The following DDX10 variants were observed in gnomAD, a reference collection of about 807,000 sequenced individuals.
The protein encoded by DDX10 is probable ATP-dependent RNA helicase DDX10.
A neutral mutation model predicts 104.3 loss-of-function variants in DDX10; 74 were observed. The ratio of observed to expected loss-of-function variants is 0.71; its 90% CI spans 0.59 to 0.86. The LOEUF is 0.86. DDX10 is among the 40% of genes least tolerant of loss of function. DDX10 has a pLI of 0.00. For missense variants in DDX10, 952 were observed against 1,040.0 expected, an observed-to-expected ratio of 0.92 and a Z score of 1.16; for synonymous variants, 351 against 353.4, an observed-to-expected ratio of 0.99 and a Z score of 0.08.
chr11:108,832,498 C>CA (rs749020031), intron 13 of DDX10, among the ~76,000 whole-genome samples: 5 of 152,112 alleles, frequency 3.3e-5, no homozygotes, highest in Non-Finnish European at 7.4e-5. Context: ...GCCAGGAATT[C>CA]ATTAGAAATA....
At chr11:108,856,442 A>G (rs1415527382) in intron 16 of DDX10, among the ~76,000 whole-genome samples, 1 of 152,004 alleles carries the variant, frequency 6.6e-6, no homozygotes, top group Admixed American at 6.6e-5. Context: ...AACAAAACAA[A>G]CAAACAAAAA....
intron 13 of DDX10, among the ~76,000 whole-genome samples, chr11:108,777,159 A>G: frequency 6.6e-6 from 1 of 151,992 alleles, no homozygotes; most frequent in East Asian, 1.9e-4. Context: ...TTTCTGCCTG[A>G]TTTTGCTTAT....
chr11:108,770,594 A>G (rs982391635), intron 13 of DDX10, among the ~76,000 whole-genome samples: 2 of 148,940 alleles, frequency 1.3e-5, no homozygotes, highest in African/African-American at 5.0e-5. Flanking sequence ...TTTAGATCCT[A>G]CTAATAAGTG....
intron 13 of DDX10, among the ~76,000 whole-genome samples, chr11:108,809,566 G>T (rs924279815): frequency 9.9e-5 from 15 of 152,200 alleles, no homozygotes; most frequent in Non-Finnish European, 7.3e-5. Context: ...GGTAAGAATG[G>T]AAGAGTGGAG....
Position 108,678,303 on chromosome 11 carries a change from A to T in DDX10, c.538-12A>T. 6.2e-7 allele frequency: 1 copy of T among 1,606,422 alleles called. No homozygotes were observed. Among genetic ancestry groups the T allele is most frequent in the Non-Finnish European group, 8.5e-7 (1 of 1,177,536 alleles). ...ATGTGTCTGTGTAATCAAAATAAAT[A>T]ACTGTTTTCAGGATCTAAAACACGA... On this transcript the variant is annotated splice_polypyrimidine_tract_variant and intron_variant, in intron 4 of 17. Transcript: ENST00000322536.
At chr11:108,917,230 A>G (rs1002037271) in intron 16 of DDX10, among the ~76,000 whole-genome samples, 1 of 151,048 alleles carries the variant, frequency 6.6e-6, no homozygotes, top group Non-Finnish European at 1.5e-5. Context: ...ATGCCCAGCT[A>G]ATAGATCTGA....
chr11:108,677,058 T>C, intron 3 of DDX10, 27 bp from the exon 4 acceptor site: 5 of 1,585,250 alleles, frequency 3.2e-6, no homozygotes, highest in South Asian at 1.1e-5. Context: ...GATGACTTAC[T>C]GAACATGAAT....
intron 15 of DDX10, among the ~76,000 whole-genome samples, chr11:108,850,550 A>T (rs1170105867): frequency 1.3e-5 from 2 of 152,146 alleles, no homozygotes; most frequent in Non-Finnish European, 2.9e-5. Flanking sequence ...ATGGTCAATT[A>T]TCTGTTTCTT....
intron 10 of DDX10, among the ~76,000 whole-genome samples, chr11:108,708,280 T>C (rs2094279326): frequency 1.3e-5 from 2 of 148,690 alleles, no homozygotes; most frequent in South Asian, 4.3e-4. Context: ...TTTTAAAATC[T>C]GATGAGATCA....
chr11:108,864,419 T>A (rs1271584353), intron 16 of DDX10, among the ~76,000 whole-genome samples: 4 of 151,188 alleles, frequency 2.6e-5, no homozygotes, highest in Non-Finnish European at 5.9e-5. Context: ...AGAATAAACT[T>A]TATATATATA....
chr11:108,665,381 C>A, intron 1 of DDX10, 42 bp downstream of exon 1: 1 of 1,510,444 alleles, frequency 6.6e-7, no homozygotes, highest in South Asian at 1.3e-5. Flanking sequence ...CGGCCAGCAG[C>A]GGGGCAGCGT....
At chr11:108,808,067 G>A (rs1862124659) in intron 13 of DDX10, among the ~76,000 whole-genome samples, 2 of 152,280 alleles carry the variant, frequency 1.3e-5, no homozygotes, top group Admixed American at 1.3e-4. Flanking sequence ...ATGGTGAAAG[G>A]CTAATTTCAT....
intron 16 of DDX10, among the ~76,000 whole-genome samples, chr11:108,889,573 CTT>C (rs1863347373): frequency 6.6e-6 from 1 of 152,012 alleles, no homozygotes; most frequent in East Asian, 1.9e-4. Flanking sequence ...CTGAAAAAAA[CTT>C]TTGCCAAAGT....
intron 16 of DDX10, among the ~76,000 whole-genome samples, chr11:108,869,114 A>G (rs1315741241): frequency 1.3e-5 from 2 of 152,054 alleles, no homozygotes; most frequent in African/African-American, 4.8e-5. Context: ...GGAAAACCCA[A>G]ATAATGGCTT....
At chr11:108,744,557 T>C (rs1019016795) in intron 13 of DDX10, among the ~76,000 whole-genome samples, 3 of 152,162 alleles carry the variant, frequency 2.0e-5, no homozygotes, top group African/African-American at 7.2e-5. Flanking sequence ...CCTGAGTATT[T>C]GGGAGTGTTA....
At chr11:108,904,593 C>T (rs1565314352) in intron 16 of DDX10, among the ~76,000 whole-genome samples, 1 of 152,120 alleles carries the variant, frequency 6.6e-6, no homozygotes, top group Non-Finnish European at 1.5e-5. Context: ...GGACTGGGTT[C>T]CTACTTGGAG....
intron 13 of DDX10, among the ~76,000 whole-genome samples, chr11:108,774,604 A>G (rs1269295273): frequency 6.6e-6 from 1 of 151,954 alleles, no homozygotes; most frequent in East Asian, 1.9e-4. Flanking sequence ...GTTAGAGAAC[A>G]TTGTTTGGCA....
intron 13 of DDX10, among the ~76,000 whole-genome samples, chr11:108,735,430 G>A (rs992209495): frequency 1.3e-5 from 2 of 152,076 alleles, no homozygotes; most frequent in African/African-American, 4.8e-5. Context: ...GCAGTGTAAG[G>A]GGGATATAGA....
chr11:108,726,142 A>C (rs573298741), intron 13 of DDX10, among the ~76,000 whole-genome samples: 40 of 152,184 alleles, frequency 2.6e-4, no homozygotes, highest in African/African-American at 8.9e-4. Context: ...GTGTAGCTTT[A>C]TACTAAGTCT....
Sources: gnomAD v4.1 joint callset for allele counts (sites outside exome capture counted in the v4.1 genomes callset) on GRCh38, gnomAD v4.1.1 for gene constraint, MANE v1.5 for transcripts, NCBI Gene and HGNC (gene_info 2026-07-23, HGNC 2026-07-21) for gene names.